RSU1: variants seen among roughly 807,000 people sequenced by gnomAD.
RSU1 encodes Ras suppressor protein 1.
In RSU1, 26 loss-of-function variants were observed where a neutral mutation model predicts 31.1. That is an observed-to-expected ratio of 0.84 (90% CI 0.61 to 1.16). The LOEUF (loss-of-function observed/expected upper bound fraction) is 1.16, where lower values mean the gene tolerates loss of function less well. Ranked by LOEUF, RSU1 falls within the 50% of genes most tolerant of loss-of-function variation. RSU1 has a pLI of 0.00. For synonymous variants in RSU1, 164 were observed against 136.3 expected (o/e 1.20, Z -1.41); for missense variants, 320 against 339.1 (o/e 0.94, Z 0.44).
intron 7 of RSU1, among the ~76,000 whole-genome samples, chr10:16,728,806 G>C (rs1290313369): frequency 1.3e-5 from 2 of 152,178 alleles, no homozygotes; most frequent in Non-Finnish European, 2.9e-5. Flanking sequence ...TGATGTGGTA[G>C]GTTCTGAGGA....
intron 8 of RSU1, among the ~76,000 whole-genome samples, chr10:16,673,050 G>A (rs1199432470): frequency 6.6e-6 from 1 of 152,146 alleles, no homozygotes; most frequent in Non-Finnish European, 1.5e-5. Flanking sequence ...TGTCTCCTAG[G>A]GCAAGCTTAT....
At chr10:16,712,423 C>T (rs1188165143) in intron 7 of RSU1, among the ~76,000 whole-genome samples, 2 of 151,884 alleles carry the variant, frequency 1.3e-5, no homozygotes, top group Non-Finnish European at 2.9e-5. Flanking sequence ...ATGTTATTTT[C>T]CTTCGCGGTT....
intron 8 of RSU1, among the ~76,000 whole-genome samples, chr10:16,644,531 T>C (rs975718072): frequency 2.5e-4 from 38 of 152,180 alleles, no homozygotes; most frequent in Admixed American, 3.9e-4. Context: ...GAAGAGGAAA[T>C]TGAGCCCTAA....
intron 2 of RSU1, among the ~76,000 whole-genome samples, chr10:16,806,554 A>T (rs146267008): frequency 8.7e-4 from 132 of 152,280 alleles, no homozygotes; most frequent in African/African-American, 3.1e-3. Context: ...CAGAGGGCTT[A>T]GCACAATGCC....
intron 3 of RSU1, among the ~76,000 whole-genome samples, chr10:16,768,885 T>A (rs1837370797): frequency 6.6e-6 from 1 of 152,194 alleles, no homozygotes; most frequent in Non-Finnish European, 1.5e-5. Context: ...GCACCTCCAC[T>A]TTGCTGGACA....
chr10:16,593,530 A>G (rs1423577964), intron 8 of RSU1, 34 bp from the exon 9 acceptor site: 9 of 1,548,638 alleles, frequency 5.8e-6, no homozygotes, highest in South Asian at 1.1e-5. Context: ...TATCAGATCT[A>G]TTTTGCCAAC....
intron 8 of RSU1, among the ~76,000 whole-genome samples, chr10:16,650,122 C>A (rs1019942661): frequency 6.6e-6 from 1 of 152,176 alleles, no homozygotes; most frequent in Non-Finnish European, 1.5e-5. Context: ...AGAATGGAAT[C>A]ACGCTAACAG....
Position 16,593,176 on chromosome 10 carries a change from G to A in RSU1, c.*218C>T, listed in dbSNP as rs1588663581. On this transcript the variant is annotated 3_prime_UTR_variant, in exon 9 of 9. Transcript: ENST00000345264. ...AGCTTTGTTCCCTGCTTTTGGTAAT[G>A]TTAAAGAAACAAATGGAAATGGTTT... 1.3e-6 allele frequency: 1 copy of A among 789,728 alleles called. No individual in the cohort carries two copies. Among genetic ancestry groups the A allele is most frequent in the South Asian group, 3.0e-5 (1 of 33,314 alleles). The allele number at this position is 789,728 out of a possible 1,614,324, so 48.9% of individuals were successfully genotyped here.
intron 7 of RSU1, among the ~76,000 whole-genome samples, chr10:16,701,576 G>A (rs190380761): frequency 5.3e-5 from 8 of 151,916 alleles, no homozygotes; most frequent in African/African-American, 9.7e-5. Context: ...TAAAATAAAC[G>A]GCTACTCTTC....
intron 7 of RSU1, among the ~76,000 whole-genome samples, chr10:16,740,511 A>T (rs1836728394): frequency 6.6e-6 from 1 of 152,194 alleles, no homozygotes; most frequent in Non-Finnish European, 1.5e-5. Context: ...TTGCCAAGAA[A>T]ATAAAATTAA....
At chr10:16,699,396 T>C (rs1348110920) in intron 7 of RSU1, among the ~76,000 whole-genome samples, 3 of 152,204 alleles carry the variant, frequency 2.0e-5, no homozygotes, top group South Asian at 2.1e-4. Context: ...CTGGCCATTA[T>C]ATTGTGTGAA....
intron 8 of RSU1, among the ~76,000 whole-genome samples, chr10:16,622,585 T>C (rs1834088470): frequency 6.6e-6 from 1 of 152,062 alleles, no homozygotes; most frequent in Admixed American, 6.5e-5. Context: ...TGAACTAAAA[T>C]TAGCACTCAG....
chr10:16,730,933 T>A (rs953211269), intron 7 of RSU1, among the ~76,000 whole-genome samples: 20 of 152,012 alleles, frequency 1.3e-4, no homozygotes, highest in African/African-American at 4.3e-4. Context: ...AAGCGATTCT[T>A]GTGCCTCAGT....
rs147180912 is a variant in RSU1, at chr10:16,739,660, C to T, written c.598+12879G>A. Among the ~76,000 whole-genome samples the T allele has an allele frequency of 9.2e-5, 14 of 151,846 alleles. No individual in the cohort carries two copies. The East Asian group carries it at 2.5e-3, about 27-fold the overall frequency. On this transcript the variant is annotated intron_variant, in intron 7 of 8. Transcript: ENST00000345264. The stretch of plus-strand genomic sequence containing the variant: ...TGAGATGGAGTTTCACTCTTGTTGC[C>T]CAGGCCGGAGTGCAATGGTGTGATC...
intron 7 of RSU1, among the ~76,000 whole-genome samples, chr10:16,724,649 T>G (rs934205456): frequency 2.0e-5 from 3 of 152,158 alleles, no homozygotes; most frequent in African/African-American, 7.2e-5. Context: ...GTGACTTTAC[T>G]GTCCGAGAAG....
chr10:16,728,104 A>G (rs1298517018), intron 7 of RSU1, among the ~76,000 whole-genome samples: 1 of 152,158 alleles, frequency 6.6e-6, no homozygotes, highest in African/African-American at 2.4e-5. Context: ...TTTGCAAGAG[A>G]TTTGGGTGGT....
At chr10:16,802,789 C>T (rs74228746) in intron 2 of RSU1, among the ~76,000 whole-genome samples, 2,835 of 152,074 alleles carry the variant, frequency 0.019, 78 homozygotes, top group East Asian at 0.082. Context: ...GAAATCCATA[C>T]GATTATATGC....
At chr10:16,734,392 T>C (rs546080368) in intron 7 of RSU1, among the ~76,000 whole-genome samples, 10 of 152,370 alleles carry the variant, frequency 6.6e-5, no homozygotes, top group South Asian at 2.1e-4. Flanking sequence ...CTGGTAGTTA[T>C]ACATGAATGA....
intron 7 of RSU1, among the ~76,000 whole-genome samples, chr10:16,705,095 G>C (rs890219930): frequency 1.3e-5 from 2 of 152,054 alleles, no homozygotes; most frequent in East Asian, 1.9e-4. Context: ...ACTGTTCTAA[G>C]TATCTCATAT....
Sources: allele counts gnomAD v4.1 joint callset (sites outside exome capture counted in the v4.1 genomes callset), GRCh38; gene constraint gnomAD v4.1.1; transcripts MANE v1.5; gene names NCBI Gene and HGNC (gene_info 2026-07-23, HGNC 2026-07-21).